SYNE1: variants seen among roughly 807,000 people sequenced by gnomAD.
SYNE1 encodes the protein nesprin-1.
A neutral mutation model predicts 1,111.0 loss-of-function variants in SYNE1; 616 were observed. The observed-to-expected ratio is 0.55, with a 90% CI of 0.52 to 0.59. SYNE1 has a LOEUF of 0.59. SYNE1 is among the 20% of genes least tolerant of loss of function. The pLI, the probability that SYNE1 is intolerant of heterozygous loss-of-function variation, is 0.00. For missense variants in SYNE1, 10,006 were observed against 10,417.0 expected (o/e 0.96, Z 1.72); for synonymous variants, 3,855 against 3,825.8 (o/e 1.01, Z -0.28).
chr6:152,211,074 G>C (rs2077436253), intron 124 of SYNE1, among the ~76,000 whole-genome samples: 2 of 152,124 alleles, frequency 1.3e-5, no homozygotes, highest in Non-Finnish European at 2.9e-5. Flanking sequence ...TGTGGATTTT[G>C]GGTTTTTCAT....
chr6:152,420,158 A>G (rs1457445767), intron 39 of SYNE1, among the ~76,000 whole-genome samples: 1 of 152,220 alleles, frequency 6.6e-6, no homozygotes, highest in Non-Finnish European at 1.5e-5. Context: ...GACTTTTGTC[A>G]TCCATAGACA....
chr6:152,542,767 C>T (rs761076514), intron 3 of SYNE1, among the ~76,000 whole-genome samples: 2 of 151,792 alleles, frequency 1.3e-5, no homozygotes, highest in Admixed American at 6.6e-5. Context: ...ATTTTTTGAC[C>T]TGAGAATCTT....
chr6:152,463,587 A>G, intron 18 of SYNE1, 70 bp from the exon 19 acceptor site: 1 of 1,247,340 alleles, frequency 8.0e-7, no homozygotes, highest in South Asian at 1.3e-5. Flanking sequence ...GAAAGTGACT[A>G]AAGTAGGAAA....
rs772311271 is a variant in SYNE1, at chr6:152,219,189, G to A, written c.21862-4C>T. ...TGCCCAGTCCTTTGAGGAGGTCCTA[G>A]AAGAGGTGAAAATATGCCCACTCTG... On this transcript the variant is annotated splice_region_variant and splice_polypyrimidine_tract_variant and intron_variant, in intron 119 of 145. Coordinates refer to ENST00000367255, the MANE Select transcript of SYNE1 (RefSeq NM_182961.4). The A allele has an allele frequency of 3.8e-5, 61 of 1,613,304 alleles. No individual in the cohort carries two copies. The highest frequency in any genetic ancestry group is 5.2e-5 in the Non-Finnish European group (61 of 1,179,914).
Position 152,166,465 on chromosome 6 carries a change from C to A in SYNE1, c.23628-2140G>T, listed in dbSNP as rs569322481. 2.0e-5 allele frequency among the ~76,000 whole-genome samples: 3 copies of A among 152,146 alleles called. No homozygotes were observed. The East Asian group carries it at 5.8e-4, about 29-fold the overall frequency. ...TATTTGTCAAGTACTAAAATTCATT[C>A]GTTTTTTTGGTTCAAAACTCACAAA... On this transcript the variant is annotated intron_variant, in intron 130 of 145. Coordinates refer to ENST00000367255, the MANE Select transcript of SYNE1 (RefSeq NM_182961.4).
intron 25 of SYNE1, among the ~76,000 whole-genome samples, chr6:152,451,486 T>C (rs1412910344): frequency 7.2e-6 from 1 of 138,784 alleles, no homozygotes; most frequent in African/African-American, 2.7e-5. Context: ...TTTTTTTTTT[T>C]TTTTTTTTTT....
chr6:152,510,277 G>C lies in SYNE1; in HGVS notation c.497C>G (p.Pro166Arg). 1.2e-6 allele frequency: 2 copies of C among 1,614,038 alleles called. No homozygotes were observed. Among genetic ancestry groups the C allele is most frequent in the South Asian group, 2.2e-5 (2 of 91,064 alleles). ...GGTGGTCACCTTCCGTTTACTTGGT[G>C]GGCTGGGAGTCTCAGAGCTAACTAT... The part of the protein sequence containing the change: ...DSIVSSETPS[P>R]PSKRKVTTKI... Residue 166 changes from proline to arginine, a missense_variant, in exon 8 of 146, where the codon CCA (proline) becomes CGA (arginine). Physicochemically the swap from Pro to Arg is moderately radical, Grantham distance 103 (BLOSUM62 -2). Transcript: ENST00000367255.
chr6:152,538,518 T>C (rs2099254489), intron 4 of SYNE1, among the ~76,000 whole-genome samples: 1 of 152,090 alleles, frequency 6.6e-6, no homozygotes, highest in Non-Finnish European at 1.5e-5. Context: ...GATTATGTGA[T>C]ATAAGATTAC....
At chr6:152,538,640 C>A (rs1405696) in intron 4 of SYNE1, among the ~76,000 whole-genome samples, 44,417 of 145,084 alleles carry the variant, frequency 0.31, 6,908 homozygotes, top group East Asian at 0.45. Flanking sequence ...AAAAAAAAAA[C>A]AAAACCTTTT....
At chr6:152,431,686 G>GAA (rs1295234042) in intron 34 of SYNE1, among the ~76,000 whole-genome samples, 1 of 152,000 alleles carries the variant, frequency 6.6e-6, no homozygotes, top group African/African-American at 2.4e-5. Context: ...ATTGCCCTAG[G>GAA]AAAAAAATAA....
At chr6:152,139,216 C>T (rs17304585) in intron 140 of SYNE1, among the ~76,000 whole-genome samples, 8,859 of 152,176 alleles carry the variant, frequency 0.058, 380 homozygotes, top group Middle Eastern at 0.13. Context: ...TTCATTAAAT[C>T]GTGTGTGCTT....
rs2083300321 is a variant in SYNE1, at chr6:152,233,635, CTTAATA to C, written c.20712+140_20712+145del. 3.8e-6 allele frequency: 4 copies of C among 1,055,542 alleles called. No individual in the cohort carries two copies. The South Asian group carries it at 4.3e-5, about 11-fold the overall frequency. 65.4% of individuals were successfully genotyped at this position (1,055,542 alleles called of 1,614,324 possible). A position where few individuals can be genotyped will look rare whatever the true frequency, so the allele number is the denominator to read the frequency against. On this transcript the variant is annotated intron_variant, in intron 112 of 145. Coordinates refer to ENST00000367255, the MANE Select transcript of SYNE1 (RefSeq NM_182961.4). The stretch of plus-strand genomic sequence containing the variant: ...CCACCGCGCCCGGCCAGAGTTCACT[CTTAATA>C]TTAATACAACGGGAGAGAGAAGAGG...
intron 130 of SYNE1, among the ~76,000 whole-genome samples, chr6:152,165,734 C>T (rs942182162): frequency 6.6e-6 from 1 of 152,196 alleles, no homozygotes; most frequent in Non-Finnish European, 1.5e-5. Context: ...AAGGCATTGG[C>T]CTTGAACACT....
intron 144 of SYNE1, among the ~76,000 whole-genome samples, chr6:152,131,565 T>G (rs1294506115): frequency 2.0e-5 from 3 of 152,174 alleles, no homozygotes. Flanking sequence ...TCATCCTCTT[T>G]GTGTTCAGTG....
chr6:152,487,806 T>C (rs940740655), intron 12 of SYNE1, among the ~76,000 whole-genome samples: 1 of 152,214 alleles, frequency 6.6e-6, no homozygotes, highest in African/African-American at 2.4e-5. Flanking sequence ...CCGGGCATGG[T>C]GGCTCACGCC....
intron 145 of SYNE1, chr6:152,129,725 G>C (rs2054857534): frequency 6.6e-6 from 1 of 152,096 alleles, no homozygotes; most frequent in Non-Finnish European, 1.5e-5. Context: ...CTTATGTACA[G>C]CTGGAAAACT....
At position 152,387,262 on chromosome 6, in the gene SYNE1, A is replaced by G. The variant is rs778794350; in HGVS notation, c.8297T>C (p.Leu2766Pro). 6.2e-7 allele frequency: 1 copy of G among 1,614,196 alleles called. No individual in the cohort carries two copies. Among genetic ancestry groups the G allele is most frequent in the South Asian group, 1.1e-5 (1 of 91,080 alleles). ...GTCAAGCAGGACGAACTTCTCTTTC[A>G]GACCTGGCTGTGGTTGTAAGGGATG... ...IEHPLQPQPGLKEKFVLLDHL... is the reference protein window; with the variant it reads ...IEHPLQPQPGPKEKFVLLDHL... Residue 2766 changes from leucine (L) to proline (P), a missense_variant, in exon 54 of 146, where the codon CTG (leucine) becomes CCG (proline). By Grantham distance (98) the Leu-to-Pro change is moderately conservative. Around this residue, in one of 7 missense-constraint regions of SYNE1, gnomAD observed 4,955 missense variants for 5,017.2 expected, o/e 0.99. Transcript: ENST00000367255.
At chr6:152,185,738 C>T (rs763074910) in intron 128 of SYNE1, among the ~76,000 whole-genome samples, 21 of 152,318 alleles carry the variant, frequency 1.4e-4, no homozygotes, top group Non-Finnish European at 2.1e-4. Flanking sequence ...TACAGCATAT[C>T]GCATGATCAA....
At chr6:152,499,686 A>G (rs1418917251) in intron 10 of SYNE1, among the ~76,000 whole-genome samples, 1 of 152,208 alleles carries the variant, frequency 6.6e-6, no homozygotes, top group Non-Finnish European at 1.5e-5. Context: ...TAACAAAAAA[A>G]TACATTATTC....
Sources: gnomAD v4.1 joint callset for allele counts (sites outside exome capture counted in the v4.1 genomes callset) on GRCh38, gnomAD v4.1.1 for gene constraint, gnomAD v4.1.1 regional missense constraint, MANE v1.5 for transcripts, NCBI Gene and HGNC (gene_info 2026-07-23, HGNC 2026-07-21) for gene names.